The following PHACTR1 variants were observed in gnomAD, a reference collection of about 807,000 sequenced individuals.
PHACTR1 encodes phosphatase and actin regulator 1.
PHACTR1 carries 16 observed loss-of-function variants against 69.2 expected under a neutral mutation model. The ratio of observed to expected loss-of-function variants is 0.23; its 90% confidence interval spans 0.16 to 0.35. The LOEUF is 0.35. Among genes scored for constraint, PHACTR1 ranks in the 10% least tolerant of loss-of-function variants. The probability of loss-of-function intolerance (pLI) is 1.00; values close to 1 mark genes in which losing one functional copy is unlikely to be tolerated. For missense variants in PHACTR1, 510 were observed against 734.7 expected (o/e 0.69, Z 3.54); for synonymous variants, 312 against 284.5 (o/e 1.10, Z -0.97).
At position 13,205,857 on chromosome 6, in the gene PHACTR1, T is replaced by C. The variant is rs757822922; in HGVS notation, c.707T>C (p.Leu236Pro). 1 of 1,595,828 alleles carries C rather than the reference T, an allele frequency of 6.3e-7. No individual in the cohort carries two copies. Among genetic ancestry groups the C allele is most frequent in the Admixed American group, 1.7e-5 (1 of 59,370 alleles). ...PVKLPCLPVK[L>P]SPPLPPKKVM... is the part of the protein sequence containing the mutation. ...AAATTGCCTTGTCTGCCAGTGAAACTGTCGCCTCCGCTACCTCCAAAGAAA... is the reference window on the plus strand; with the variant it reads ...AAATTGCCTTGTCTGCCAGTGAAACCGTCGCCTCCGCTACCTCCAAAGAAA... Residue 236 changes from leucine (L) to proline (P), a missense_variant, in exon 8 of 15, where the codon CTG (leucine) becomes CCG (proline). Transcript: ENST00000332995.
intron 4 of PHACTR1, among the ~76,000 whole-genome samples, chr6:12,887,929 C>T (rs572614417): frequency 1.5e-4 from 22 of 151,656 alleles, no homozygotes; most frequent in South Asian, 2.1e-4. Flanking sequence ...AAAAATTAGC[C>T]GGGCATGGTG....
At chr6:12,998,665 A>C (rs1244157845) in intron 4 of PHACTR1, among the ~76,000 whole-genome samples, 2 of 152,070 alleles carry the variant, frequency 1.3e-5, no homozygotes, top group African/African-American at 4.8e-5. Context: ...AGCGCAAAAC[A>C]TCAAGTCAAC....
intron 4 of PHACTR1, among the ~76,000 whole-genome samples, chr6:12,983,964 G>T (rs879135478): frequency 6.6e-6 from 1 of 152,152 alleles, no homozygotes; most frequent in Non-Finnish European, 1.5e-5. Flanking sequence ...CATTTGAGTT[G>T]GTTCCAAGTG....
chr6:13,092,783 C>T (rs1813502673), intron 5 of PHACTR1, among the ~76,000 whole-genome samples: 2 of 152,142 alleles, frequency 1.3e-5, no homozygotes, highest in South Asian at 2.1e-4. Context: ...GGAACTCTAC[C>T]CATTAGCACA....
intron 4 of PHACTR1, among the ~76,000 whole-genome samples, chr6:12,892,843 CAA>C (rs1784291937): frequency 6.6e-6 from 1 of 152,166 alleles, no homozygotes; most frequent in African/African-American, 2.4e-5. Flanking sequence ...ATAAGTTCCA[CAA>C]GAGATATCAT....
At position 13,173,603 on chromosome 6, in the gene PHACTR1, C is replaced by A. The variant is rs566559800; in HGVS notation, c.497-8916C>A. On this transcript the variant is annotated intron_variant, in intron 6 of 14. Transcript: ENST00000332995. ...TGTTACTCAACACATCATTTTACGT[C>A]ATTTTACTGACTATCGGGGCAACTG... Among the ~76,000 whole-genome samples the A allele has an allele frequency of 5.2e-4, 79 of 152,306 alleles. 1 individual carries two copies. Among genetic ancestry groups the A allele is most frequent in the African/African-American group, 1.9e-3 (78 of 41,552 alleles).
At chr6:12,949,150 A>C (rs897140042) in intron 4 of PHACTR1, among the ~76,000 whole-genome samples, 1 of 151,982 alleles carries the variant, frequency 6.6e-6, no homozygotes, top group African/African-American at 2.4e-5. Context: ...CATGCCTGTA[A>C]TCCCAGCTAC....
chr6:13,013,894 A>G (rs1234957433), intron 4 of PHACTR1, among the ~76,000 whole-genome samples: 1 of 149,050 alleles, frequency 6.7e-6, no homozygotes, highest in Admixed American at 6.7e-5. Flanking sequence ...CGGATGGCGG[A>G]GCCCACGCGC....
chr6:12,727,051 G>C (rs1359972383), intron 3 of PHACTR1, among the ~76,000 whole-genome samples: 3 of 152,054 alleles, frequency 2.0e-5, no homozygotes, highest in African/African-American at 7.2e-5. Context: ...ATTTGTTGTT[G>C]TTATTGTTTT....
At chr6:12,783,331 G>A (rs536328381) in intron 4 of PHACTR1, among the ~76,000 whole-genome samples, 7 of 152,154 alleles carry the variant, frequency 4.6e-5, no homozygotes, top group South Asian at 2.1e-4. Context: ...TCTATATGAC[G>A]GTCAAATGCC....
intron 4 of PHACTR1, among the ~76,000 whole-genome samples, chr6:12,866,895 A>G (rs1261576335): frequency 1.3e-5 from 2 of 152,196 alleles, no homozygotes; most frequent in South Asian, 4.1e-4. Flanking sequence ...TTTCAAAGGA[A>G]ATACGTGGTA....
intron 4 of PHACTR1, among the ~76,000 whole-genome samples, chr6:12,977,656 T>C (rs1243820547): frequency 6.6e-6 from 1 of 152,242 alleles, no homozygotes; most frequent in Admixed American, 6.5e-5. Flanking sequence ...CGAAGTTAAA[T>C]GAACATGCCA....
chr6:13,090,120 T>C (rs1357210856), intron 5 of PHACTR1, among the ~76,000 whole-genome samples: 1 of 152,194 alleles, frequency 6.6e-6, no homozygotes, highest in African/African-American at 2.4e-5. Flanking sequence ...AATGGCGCGA[T>C]CTCGGCTCAC....
chr6:12,918,510 C>G (rs762431907), intron 4 of PHACTR1, among the ~76,000 whole-genome samples: 1 of 152,182 alleles, frequency 6.6e-6, no homozygotes, highest in African/African-American at 2.4e-5. Flanking sequence ...CTTCTGTTGT[C>G]GTACATAAAA....
intron 4 of PHACTR1, among the ~76,000 whole-genome samples, chr6:12,895,177 C>CTTTTTTTTT (rs139510433): frequency 1.8e-4 from 16 of 88,236 alleles, no homozygotes; most frequent in Admixed American, 2.7e-4. Context: ...TTTCTTTTTT[C>CTTTTTTTTT]TTTTTTTTTT....
intron 5 of PHACTR1, among the ~76,000 whole-genome samples, chr6:13,123,944 C>G (rs1318923579): frequency 6.6e-6 from 1 of 152,090 alleles, no homozygotes; most frequent in African/African-American, 2.4e-5. Flanking sequence ...ACCCTGCACC[C>G]GAAGTCAGAC....
At chr6:12,790,266 A>G (rs1772095789) in intron 4 of PHACTR1, among the ~76,000 whole-genome samples, 1 of 152,160 alleles carries the variant, frequency 6.6e-6, no homozygotes, top group Non-Finnish European at 1.5e-5. Context: ...AACCTCTCTG[A>G]TGGCATTCCC....
At chr6:13,131,198 T>TACAC (rs1416877299) in intron 5 of PHACTR1, among the ~76,000 whole-genome samples, 16 of 96,390 alleles carry the variant, frequency 1.7e-4, no homozygotes, top group African/African-American at 7.1e-4. Flanking sequence ...CACACATATA[T>TACAC]ATATACACAT....
chr6:13,117,612 T>C (rs933872364), intron 5 of PHACTR1, among the ~76,000 whole-genome samples: 2 of 152,234 alleles, frequency 1.3e-5, no homozygotes, highest in Non-Finnish European at 2.9e-5. Flanking sequence ...ATGTGGTCTC[T>C]AGTCAAGGAG....
Sources: gnomAD v4.1 joint callset for allele counts (sites outside exome capture counted in the v4.1 genomes callset) on GRCh38, gnomAD v4.1.1 for gene constraint, MANE v1.5 for transcripts, NCBI Gene and HGNC (gene_info 2026-07-23, HGNC 2026-07-21) for gene names.